The following GTF2E2 variants were observed in gnomAD, a reference collection of about 807,000 sequenced individuals.
GTF2E2 encodes the protein transcription initiation factor IIE subunit beta.
A neutral mutation model predicts 40.5 loss-of-function variants in GTF2E2; 21 were observed. The observed-to-expected ratio is 0.52, with a 90% CI of 0.37 to 0.75. The LOEUF (loss-of-function observed/expected upper bound fraction) is 0.75, where lower values mean the gene tolerates loss of function less well. Among genes scored for constraint, GTF2E2 ranks in the 30% least tolerant of loss-of-function variants. GTF2E2 has a pLI of 0.00. For missense variants in GTF2E2, 298 were observed against 338.4 expected (o/e 0.88, Z 0.94); for synonymous variants, 117 against 121.6 (o/e 0.96, Z 0.25).
At chr8:30,602,128 G>C (rs1478291932) in intron 6 of GTF2E2, among the ~76,000 whole-genome samples, 3 of 151,052 alleles carry the variant, frequency 2.0e-5, no homozygotes, top group Non-Finnish European at 4.4e-5. Context: ...TGCGATTCTT[G>C]TGTTTCAGCC....
intron 2 of GTF2E2, chr8:30,636,916 G>A: frequency 2.4e-6 from 1 of 415,756 alleles, no homozygotes. Context: ...TTTCAATTAT[G>A]AAATATTACC....
chr8:30,600,804 A>G (rs1829156020), intron 6 of GTF2E2, among the ~76,000 whole-genome samples: 1 of 152,158 alleles, frequency 6.6e-6, no homozygotes, highest in African/African-American at 2.4e-5. Flanking sequence ...TTACTACACC[A>G]TCAACTCTCT....
intron 6 of GTF2E2, among the ~76,000 whole-genome samples, chr8:30,606,051 G>GCAGTA (rs1395126401): frequency 7.9e-5 from 12 of 152,292 alleles, no homozygotes; most frequent in African/African-American, 2.9e-4. Context: ...AAATCGCCAG[G>GCAGTA]CAGTACTGAA....
intron 6 of GTF2E2, among the ~76,000 whole-genome samples, chr8:30,600,860 A>G (rs1326772666): frequency 1.3e-5 from 2 of 152,216 alleles, no homozygotes; most frequent in Non-Finnish European, 2.9e-5. Context: ...TATTACAGAC[A>G]GAACCCTCTG....
intron 5 of GTF2E2, among the ~76,000 whole-genome samples, chr8:30,608,739 T>C (rs1353358126): frequency 1.3e-5 from 2 of 152,052 alleles, no homozygotes; most frequent in African/African-American, 4.8e-5. Flanking sequence ...GGCAGGAGGA[T>C]CATTTGGGGT....
intron 4 of GTF2E2, among the ~76,000 whole-genome samples, chr8:30,613,215 T>C (rs1328105627): frequency 1.3e-5 from 2 of 152,104 alleles, no homozygotes; most frequent in Non-Finnish European, 2.9e-5. Flanking sequence ...CATTATAAAG[T>C]AAGGAACATA....
chr8:30,614,853 A>T, intron 3 of GTF2E2, 138 bp from the exon 4 acceptor site: 1 of 577,544 alleles, frequency 1.7e-6, no homozygotes, highest in Non-Finnish European at 3.0e-6. Flanking sequence ...ACGAAGAGCC[A>T]TAGACCATGA....
intron 3 of GTF2E2, among the ~76,000 whole-genome samples, chr8:30,618,237 C>T (rs916474418): frequency 1.7e-5 from 2 of 114,716 alleles, no homozygotes; most frequent in African/African-American, 6.8e-5. Flanking sequence ...GCAGAGGTTG[C>T]GGTGAGCCGA....
chr8:30,632,853 T>C (rs1238157688), intron 3 of GTF2E2, among the ~76,000 whole-genome samples: 1 of 152,172 alleles, frequency 6.6e-6, no homozygotes, highest in African/African-American at 2.4e-5. Flanking sequence ...ATTTTTGACA[T>C]ATAACTTGGA....
At chr8:30,592,017 T>G (rs545616049) in intron 6 of GTF2E2, among the ~76,000 whole-genome samples, 1 of 152,198 alleles carries the variant, frequency 6.6e-6, no homozygotes, top group Non-Finnish European at 1.5e-5. Context: ...TGCTTTCACT[T>G]TCATTTAATG....
chr8:30,625,700 A>G (rs1436831210), intron 3 of GTF2E2, among the ~76,000 whole-genome samples: 1 of 152,074 alleles, frequency 6.6e-6, no homozygotes, highest in Non-Finnish European at 1.5e-5. Context: ...CAGGGTTCAG[A>G]CGATTCCTGT....
intron 3 of GTF2E2, among the ~76,000 whole-genome samples, chr8:30,626,985 A>C (rs561631437): frequency 1.3e-5 from 2 of 152,346 alleles, no homozygotes; most frequent in East Asian, 3.9e-4. Context: ...AAAGCTCATA[A>C]AGCACGTTAT....
At chr8:30,604,240 A>T in intron 6 of GTF2E2, among the ~76,000 whole-genome samples, 1 of 152,196 alleles carries the variant, frequency 6.6e-6, no homozygotes, top group Admixed American at 6.5e-5. Flanking sequence ...ATACATTAAT[A>T]TTAAAAATTT....
At chr8:30,624,654 T>C (rs1324564617) in intron 3 of GTF2E2, among the ~76,000 whole-genome samples, 1 of 152,096 alleles carries the variant, frequency 6.6e-6, no homozygotes, top group Non-Finnish European at 1.5e-5. Context: ...GCATGGAATG[T>C]TCTTCCATTT....
intron 5 of GTF2E2, 38 bp from the exon 6 acceptor site, chr8:30,607,188 C>G: frequency 1.3e-6 from 1 of 763,832 alleles, no homozygotes; most frequent in South Asian, 1.9e-5. Flanking sequence ...TCAGTTAACT[C>G]CAAATTACCT....
In GTF2E2 at chr8:30,578,906, G is replaced by C. The variant is rs1236962783; in HGVS notation, c.*15C>G. The C allele has an allele frequency of 7.9e-7, 1 of 1,266,290 alleles. No homozygotes were observed. Among genetic ancestry groups the C allele is most frequent in the Non-Finnish European group, 1.2e-6 (1 of 862,336 alleles). 78.4% of individuals were successfully genotyped at this position (1,266,290 alleles called of 1,614,324 possible). ...ATTGTGTATCTGTAACTCTGTTCCA[G>C]GGCAAAACTGTTCCCTATTTGCTGG... On this transcript the variant is annotated 3_prime_UTR_variant, in exon 8 of 8. Transcript: ENST00000355904.
At chr8:30,624,367 C>G (rs1801205729) in intron 3 of GTF2E2, among the ~76,000 whole-genome samples, 1 of 152,074 alleles carries the variant, frequency 6.6e-6, no homozygotes. Context: ...TTCCATTGGT[C>G]TGTATCTCTG....
intron 3 of GTF2E2, among the ~76,000 whole-genome samples, chr8:30,623,881 G>GT (rs1465638931): frequency 6.6e-6 from 1 of 151,736 alleles, no homozygotes; most frequent in Non-Finnish European, 1.5e-5. Flanking sequence ...TTGAAAATTT[G>GT]TTTGAGTTCT....
Position 30,641,622 on chromosome 8 carries a change from T to A in GTF2E2, c.167-6499A>T, listed in dbSNP as rs971510673. Reference sequence around the variant, plus strand: ...CAGGCGCGGTGGCTCATGCCCGTAATCCCAGCACTTTTGGGAAGCCAAGGT... The same window carrying A: ...CAGGCGCGGTGGCTCATGCCCGTAAACCCAGCACTTTTGGGAAGCCAAGGT... On this transcript the variant is annotated intron_variant, in intron 2 of 7. Transcript: ENST00000355904. Among the ~76,000 whole-genome samples the A allele has an allele frequency of 3.9e-5, 6 of 152,126 alleles. No individual in the cohort carries two copies. The East Asian group carries it at 1.2e-3, about 29-fold the overall frequency.
Sources: gnomAD v4.1 joint callset for allele counts (sites outside exome capture counted in the v4.1 genomes callset) on GRCh38, gnomAD v4.1.1 for gene constraint, MANE v1.5 for transcripts, NCBI Gene and HGNC (gene_info 2026-07-23, HGNC 2026-07-21) for gene names.